ADCY8: variants seen among roughly 807,000 people sequenced by gnomAD.
The protein encoded by ADCY8 is adenylate cyclase 8.
A neutral mutation model predicts 119.7 loss-of-function variants in ADCY8; 51 were observed. That is an observed-to-expected ratio of 0.43 (90% CI 0.34 to 0.54). ADCY8 has a LOEUF of 0.54. Ranked by LOEUF, ADCY8 falls within the 20% of genes least tolerant of loss-of-function variation. The pLI is 0.03. For missense variants in ADCY8, 1,383 were observed against 1,598.8 expected (o/e 0.87, Z 2.30); for synonymous variants, 665 against 651.0 (o/e 1.02, Z -0.33).
intron 12 of ADCY8, among the ~76,000 whole-genome samples, chr8:130,833,898 G>C (rs1489738190): frequency 1.3e-5 from 2 of 152,168 alleles, no homozygotes; most frequent in African/African-American, 4.8e-5. Context: ...GTGTGTGTGT[G>C]ACATGAAATT....
chr8:130,786,440 C>T (rs543278545), intron 15 of ADCY8, among the ~76,000 whole-genome samples: 15 of 152,304 alleles, frequency 9.8e-5, no homozygotes, highest in Non-Finnish European at 8.8e-5. Flanking sequence ...TGTCTTAATT[C>T]CTGGAACCTG....
chr8:130,801,362 C>T (rs1051191370), intron 14 of ADCY8, among the ~76,000 whole-genome samples: 4 of 152,122 alleles, frequency 2.6e-5, no homozygotes, highest in Non-Finnish European at 5.9e-5. Flanking sequence ...ATAGACTTGC[C>T]TGTTATTCAT....
chr8:130,804,752 G>T (rs548595510), intron 14 of ADCY8, among the ~76,000 whole-genome samples: 2 of 152,174 alleles, frequency 1.3e-5, no homozygotes, highest in African/African-American at 4.8e-5. Flanking sequence ...ACACTCTTTT[G>T]TTTTTGTTTT....
rs116331747 is a variant in ADCY8 at position 130,946,417 on chromosome 8, C to T, written c.1242-2955G>A. 1.2e-3 allele frequency among the ~76,000 whole-genome samples: 184 copies of T among 152,280 alleles called. 1 individual carries two copies. Among genetic ancestry groups the T allele is most frequent in the African/African-American group, 4.3e-3 (180 of 41,558 alleles). On this transcript the variant is annotated intron_variant, in intron 3 of 17. Transcript: ENST00000286355. ...TCTTTGTACATGCTATGCCTGCTCC[C>T]TGGTATAGATTTTTCCCCCTTTTGC...
intron 1 of ADCY8, among the ~76,000 whole-genome samples, chr8:131,021,349 T>C (rs1392900727): frequency 6.6e-6 from 1 of 152,070 alleles, no homozygotes; most frequent in East Asian, 1.9e-4. Flanking sequence ...CTGTTGGAGC[T>C]GTCATGACAT....
At chr8:130,832,252 AG>A in intron 12 of ADCY8, among the ~76,000 whole-genome samples, 1 of 152,190 alleles carries the variant, frequency 6.6e-6, no homozygotes, top group African/African-American at 2.4e-5. Context: ...ACTAAATCAG[AG>A]GGTTGTTGTG....
At chr8:130,940,486 A>G (rs1820924255) in intron 4 of ADCY8, among the ~76,000 whole-genome samples, 1 of 151,920 alleles carries the variant, frequency 6.6e-6, no homozygotes. Flanking sequence ...GTATATACGC[A>G]TATATATTAT....
At chr8:131,017,152 C>T (rs756752180) in intron 1 of ADCY8, among the ~76,000 whole-genome samples, 13 of 151,994 alleles carry the variant, frequency 8.6e-5, no homozygotes, top group African/African-American at 1.2e-4. Context: ...TCACTGCAAC[C>T]TTTGCATCCC....
chr8:130,893,957 T>C (rs1819297140), intron 7 of ADCY8, among the ~76,000 whole-genome samples: 1 of 152,152 alleles, frequency 6.6e-6, no homozygotes, highest in South Asian at 2.1e-4. Flanking sequence ...AATAGAATTA[T>C]TTAAATGTTT....
intron 2 of ADCY8, among the ~76,000 whole-genome samples, chr8:130,953,574 T>C (rs1242620585): frequency 6.6e-6 from 1 of 152,178 alleles, no homozygotes; most frequent in Non-Finnish European, 1.5e-5. Context: ...AAGTCTTGGA[T>C]TGAGTCTGAT....
At chr8:130,836,126 AC>A in intron 12 of ADCY8, 150 bp downstream of exon 12, 8 of 857,546 alleles carry the variant, frequency 9.3e-6, no homozygotes, top group African/African-American at 1.7e-5. Flanking sequence ...TTTTGCTTGG[AC>A]TTGTAAACTA....
At position 130,972,916 on chromosome 8, in the gene ADCY8, A is replaced by G. The variant is rs1821967356; in HGVS notation, c.1110+17477T>C. On this transcript the variant is annotated intron_variant, in intron 2 of 17. Coordinates refer to ENST00000286355, the MANE Select transcript of ADCY8 (RefSeq NM_001115.3). ...TTTTTTAATCTGTAAAATGGGAACG[A>G]TAATTAGCCTCTCATGGAGTGGCTC... 2.0e-5 allele frequency among the ~76,000 whole-genome samples: 3 copies of G among 152,208 alleles called. No homozygotes were observed. The South Asian group carries it at 6.2e-4, about 32-fold the overall frequency.
intron 1 of ADCY8, among the ~76,000 whole-genome samples, chr8:131,038,886 A>C (rs1824252978): frequency 6.6e-6 from 1 of 152,218 alleles, no homozygotes; most frequent in African/African-American, 2.4e-5. Flanking sequence ...GTATGTGTTT[A>C]ACAAATGTAT....
intron 12 of ADCY8, among the ~76,000 whole-genome samples, chr8:130,830,553 C>A (rs1289306666): frequency 6.6e-6 from 1 of 152,152 alleles, no homozygotes; most frequent in Non-Finnish European, 1.5e-5. Flanking sequence ...TTTCCTTTCT[C>A]TTTCTTTTGC....
chr8:130,981,187 A>G (rs1210284290), intron 2 of ADCY8, among the ~76,000 whole-genome samples: 1 of 152,312 alleles, frequency 6.6e-6, no homozygotes, highest in East Asian at 1.9e-4. Context: ...AAATTCTAGG[A>G]TGGTTTTACA....
intron 1 of ADCY8, chr8:130,990,915 G>C (rs548908887): frequency 6.3e-6 from 1 of 159,890 alleles, no homozygotes; most frequent in African/African-American, 2.4e-5. Flanking sequence ...GGAATAAAAA[G>C]AAGAGACTAA....
intron 15 of ADCY8, among the ~76,000 whole-genome samples, chr8:130,789,352 G>A (rs1484985476): frequency 6.6e-6 from 1 of 152,118 alleles, no homozygotes; most frequent in African/African-American, 2.4e-5. Context: ...AGCTTCGTGG[G>A]TGCCTCTCTC....
At chr8:130,966,879 T>C (rs748399963) in intron 2 of ADCY8, among the ~76,000 whole-genome samples, 13 of 152,198 alleles carry the variant, frequency 8.5e-5, no homozygotes, top group Non-Finnish European at 1.8e-4. Context: ...ACAACCCAAA[T>C]GTTTGTTAAA....
intron 5 of ADCY8, among the ~76,000 whole-genome samples, 157 bp from the exon 6 acceptor site, chr8:130,910,023 C>T (rs1819930478): frequency 6.7e-6 from 1 of 149,970 alleles, no homozygotes; most frequent in Non-Finnish European, 1.5e-5. Context: ...CTCCCGGGTT[C>T]ACGCTATTCT....
Sources: allele counts gnomAD v4.1 joint callset (sites outside exome capture counted in the v4.1 genomes callset), GRCh38; gene constraint gnomAD v4.1.1; transcripts MANE v1.5; gene names NCBI Gene and HGNC (gene_info 2026-07-23, HGNC 2026-07-21).